HIP1R: variants seen among roughly 807,000 people sequenced by gnomAD.
The protein encoded by HIP1R is huntingtin interacting protein 1 related, also known as huntingtin-interacting protein 1-related protein.
HIP1R carries 135 observed loss-of-function variants against 144.2 expected under a neutral mutation model. That is an observed-to-expected ratio of 0.94 (90% CI 0.81 to 1.08). The LOEUF (loss-of-function observed/expected upper bound fraction) is 1.08, where lower values mean the gene tolerates loss of function less well. HIP1R is among the 50% of genes least tolerant of loss of function. The pLI is 0.00. For synonymous variants in HIP1R, 698 were observed against 612.8 expected (o/e 1.14, Z -2.05); for missense variants, 1,462 against 1,432.8 (o/e 1.02, Z -0.33).
rs1175192119 is a variant in HIP1R, at chr12:122,837,239, A to G, written c.93+1596A>G. ...CTTAAATGATAAGAAGTCAAGGGCA[A>G]CCTTCCTGAGTGTCAAAGAGAGAAT... On this transcript the variant is annotated intron_variant, in intron 1 of 31. Coordinates refer to ENST00000253083, the MANE Select transcript of HIP1R (RefSeq NM_003959.3). Among the ~76,000 whole-genome samples, 3 of 152,258 alleles carry G rather than the reference A, an allele frequency of 2.0e-5. No homozygotes were observed. The East Asian group carries it at 5.8e-4, about 29-fold the overall frequency.
chr12:122,852,968 C>A (rs1213668757), intron 7 of HIP1R, among the ~76,000 whole-genome samples: 2 of 146,158 alleles, frequency 1.4e-5, no homozygotes, highest in Non-Finnish European at 2.9e-5. Flanking sequence ...TCTTGCCCCT[C>A]CCCCCCAGGC....
Position 122,862,821 on chromosome 12 carries a change from T to C in HIP1R, c.*1068T>C, listed in dbSNP as rs543659184. The C allele has an allele frequency of 8.5e-5, 13 of 152,214 alleles. No homozygotes were observed. The East Asian group carries it at 2.5e-3, about 29-fold the overall frequency. 9.4% of individuals were successfully genotyped at this position (152,214 alleles called of 1,614,324 possible). ...GCCCTAGCCCTTTAGCCTTTCACCC[T>C]GTGCTCTGGAAAGGCTACCAAATAC... On this transcript the variant is annotated 3_prime_UTR_variant, in exon 32 of 32. Coordinates refer to ENST00000253083, the MANE Select transcript of HIP1R (RefSeq NM_003959.3).
rs149088289 is a variant in HIP1R, at chr12:122,861,741, C to T, written c.3195C>T (p.Leu1065=). 41 of 1,613,970 alleles carry T rather than the reference C, an allele frequency of 2.5e-5. No individual in the cohort carries two copies. Among genetic ancestry groups the T allele is most frequent in the Non-Finnish European group, 3.0e-5 (35 of 1,180,020 alleles). ...DKKDGIYPAQ[L]VNY ...AGGATGGCATCTACCCAGCTCAACT[C>T]GTGAACTACTAGGCCCCCCAGGGGT... The change falls in exon 32 of 32, where the codon CTC becomes CTT. Residue 1065 remains leucine, a synonymous_variant. Coordinates refer to ENST00000253083, the MANE Select transcript of HIP1R (RefSeq NM_003959.3).
In HIP1R at chr12:122,840,041, C is replaced by A. The variant is rs1353462439; in HGVS notation, c.93+4398C>A. Among the ~76,000 whole-genome samples, 1 of 152,290 alleles carries A rather than the reference C, an allele frequency of 6.6e-6. No individual in the cohort carries two copies. Among genetic ancestry groups the A allele is most frequent in the Non-Finnish European group, 1.5e-5 (1 of 68,044 alleles). On this transcript the variant is annotated intron_variant, in intron 1 of 31. Coordinates refer to ENST00000253083, the MANE Select transcript of HIP1R (RefSeq NM_003959.3). The surrounding 1 kb of genome is among the most constrained non-coding windows in gnomAD (Gnocchi z 4.2). ...TCGTTGTTCCTGGGCATGCGCACTG[C>A]TGTCTCGCCCCGTGACATCCTCTGC...
intron 1 of HIP1R, among the ~76,000 whole-genome samples, chr12:122,843,871 A>C (rs2033132853): frequency 6.6e-6 from 1 of 152,156 alleles, no homozygotes; most frequent in Non-Finnish European, 1.5e-5. Context: ...GTTTTGTTTG[A>C]GATGGAGTTT....
intron 12 of HIP1R, 24 bp downstream of exon 12, chr12:122,855,636 G>C (rs1338861898): frequency 1.3e-6 from 2 of 1,549,608 alleles, no homozygotes. Flanking sequence ...GAGCCGACTG[G>C]GCTGGGGGTG....
rs115798290 is a variant in HIP1R, at chr12:122,846,875, T to G, written c.94-1156T>G. Among the ~76,000 whole-genome samples the G allele has an allele frequency of 4.3e-3, 653 of 152,354 alleles. 5 individuals are homozygous for G. Among genetic ancestry groups the G allele is most frequent in the African/African-American group, 0.015 (614 of 41,588 alleles). On this transcript the variant is annotated intron_variant, in intron 1 of 31. Coordinates refer to ENST00000253083, the MANE Select transcript of HIP1R (RefSeq NM_003959.3). The stretch of plus-strand genomic sequence containing the variant: ...TTTTCTCACAGAGGAAATTCCACAG[T>G]AGACCCTAATTGGATGTCCTCTGCT...
At position 122,860,997 on chromosome 12, in the gene HIP1R, G is replaced by T; in HGVS notation, c.2848G>T (p.Val950Leu). The change falls in exon 29 of 32, where the codon GTG becomes TTG. Residue 950 changes from valine to leucine, a missense_variant. Physicochemically the swap from Val to Leu is conservative, Grantham distance 32. This residue lies in a region of HIP1R where 1,112 missense variants were observed against 1,011.7 expected (regional missense o/e 1.10). Transcript: ENST00000253083. ...AGTCAATGAGAGGGCTGCCAATGTG[G>T]TGGCCTCCACCAAGTCAGGCCAGGA... is the stretch of plus-strand genomic sequence containing the variant. ...RTVNERAANV[V>L]ASTKSGQEQI... 5 of 1,613,700 alleles carry T rather than the reference G, an allele frequency of 3.1e-6. No individual in the cohort carries two copies. Among genetic ancestry groups the T allele is most frequent in the Non-Finnish European group, 4.2e-6 (5 of 1,180,016 alleles).
At chr12:122,846,522 G>A (rs1351349042) in intron 1 of HIP1R, among the ~76,000 whole-genome samples, 4 of 152,206 alleles carry the variant, frequency 2.6e-5, no homozygotes, top group South Asian at 2.1e-4. Flanking sequence ...TGGTGGATAC[G>A]AGTTTGTTCA....
intron 1 of HIP1R, among the ~76,000 whole-genome samples, chr12:122,839,971 C>T (rs139380029): frequency 5.9e-5 from 9 of 152,326 alleles, no homozygotes; most frequent in Non-Finnish European, 8.8e-5. Flanking sequence ...GCAACATTTA[C>T]GTGTATAGGA....
Position 122,848,573 on chromosome 12 carries a change from G to A in HIP1R, c.265G>A (p.Val89Ile), listed in dbSNP as rs768619982. The change falls in exon 3 of 32, where the codon GTC becomes ATC. Residue 89 changes from valine (V) to isoleucine (I), a missense_variant. This residue lies in a region of HIP1R where 350 missense variants were observed against 421.1 expected (regional missense o/e 0.83). Transcript: ENST00000253083. ...SSILSWKFCH[V>I]LHKVLRDGHP... Reference sequence around the variant, plus strand: ...CATTCTCAGCTGGAAGTTCTGCCACGTCCTCCACAAGGTCCTTCGAGACGG... The same window carrying A: ...CATTCTCAGCTGGAAGTTCTGCCACATCCTCCACAAGGTCCTTCGAGACGG... 28 of 1,613,012 alleles carry A rather than the reference G, an allele frequency of 1.7e-5. No individual in the cohort carries two copies. The highest frequency in any genetic ancestry group is 5.0e-5 in the Admixed American group (3 of 60,000).
chr12:122,851,054 G>T (rs1438983132), intron 6 of HIP1R, 143 bp downstream of exon 6: 2 of 877,318 alleles, frequency 2.3e-6, no homozygotes, highest in Non-Finnish European at 3.6e-6. Context: ...CGCTCCCAGG[G>T]ACAGAGGGTG....
intron 26 of HIP1R, 81 bp downstream of exon 26, chr12:122,860,291 AC>A: frequency 6.5e-7 from 1 of 1,532,564 alleles, no homozygotes; most frequent in African/African-American, 1.4e-5. Context: ...GAGACCCTCC[AC>A]CCCCTACCAC....
rs375709915 is a variant in HIP1R, at chr12:122,855,080, C to G, written c.804C>G (p.Ser268=). The part of the protein sequence containing the change: ...HSLRNFFRRA[S]DMLYFKRLIQ... ...TCAGGAACTTCTTCCGCAGAGCCTCCGACATGCTGTACTTCAAGCGGCTCA... is the reference window on the plus strand; with the variant it reads ...TCAGGAACTTCTTCCGCAGAGCCTCGGACATGCTGTACTTCAAGCGGCTCA... The change falls in exon 10 of 32, where the codon TCC becomes TCG. Residue 268 remains serine, a synonymous_variant. Coordinates refer to ENST00000253083, the MANE Select transcript of HIP1R (RefSeq NM_003959.3). The G allele has an allele frequency of 3.7e-6, 6 of 1,613,790 alleles. No individual in the cohort carries two copies. Among genetic ancestry groups the G allele is most frequent in the African/African-American group, 1.3e-5 (1 of 74,942 alleles).
rs1319544718 is a variant in HIP1R at position 122,840,129 on chromosome 12, C to G, written c.93+4486C>G. Among the ~76,000 whole-genome samples, 1 of 152,278 alleles carries G rather than the reference C, an allele frequency of 6.6e-6. No homozygotes were observed. The highest frequency in any genetic ancestry group is 1.5e-5 in the Non-Finnish European group (1 of 68,048). On this transcript the variant is annotated intron_variant, in intron 1 of 31. Coordinates refer to ENST00000253083, the MANE Select transcript of HIP1R (RefSeq NM_003959.3). This position sits in a 1 kb window ranked among gnomAD's most constrained non-coding sequence, Gnocchi z 4.2. Reference sequence around the variant, plus strand: ...GTGGTGATGCCCGGCAGGCCGCTGACTTCCCGACCCCTGGGCTGCATATTG... The same window carrying G: ...GTGGTGATGCCCGGCAGGCCGCTGAGTTCCCGACCCCTGGGCTGCATATTG...
intron 28 of HIP1R, 26 bp from the exon 29 acceptor site, chr12:122,860,890 G>GCCCACCCTGACCTCTCGC (rs762833762): frequency 5.5e-4 from 889 of 1,603,376 alleles, no homozygotes; most frequent in Non-Finnish European, 6.9e-4. Flanking sequence ...GGAGACCTGG[G>GCCCACCCTGACCTCTCGC]CCCACCCTGA....
intron 8 of HIP1R, 125 bp downstream of exon 8, chr12:122,854,308 C>A: frequency 1.8e-6 from 1 of 555,174 alleles, no homozygotes; most frequent in Non-Finnish European, 2.8e-6. Flanking sequence ...AATAAACCCA[C>A]TGCCCATTAA....
rs117614751 is a variant in HIP1R, at chr12:122,862,254, A to C, written c.*501A>C. On this transcript the variant is annotated 3_prime_UTR_variant, in exon 32 of 32. Transcript: ENST00000253083. Reference sequence around the variant, plus strand: ...GGCCTTCTGGGGCACCGATTCTACCAGGCCCTCCAGCTGCGTGGTCTCCGC... The same window carrying C: ...GGCCTTCTGGGGCACCGATTCTACCCGGCCCTCCAGCTGCGTGGTCTCCGC... 0.014 allele frequency: 2,126 copies of C among 156,952 alleles called. 21 individuals carry two copies. The highest frequency in any genetic ancestry group is 0.021 in the Non-Finnish European group (1,518 of 71,576). The allele number at this position is 156,952 out of a possible 1,614,324, so 9.7% of individuals were successfully genotyped here. A position where few individuals can be genotyped will look rare whatever the true frequency, so the allele number is the denominator to read the frequency against.
intron 1 of HIP1R, among the ~76,000 whole-genome samples, chr12:122,847,213 C>G (rs552829686): frequency 2.2e-4 from 32 of 148,162 alleles, no homozygotes; most frequent in Admixed American, 2.2e-3. Flanking sequence ...GAGCCAGGGC[C>G]GGGTTGTAGT....
Sources: allele counts gnomAD v4.1 joint callset (sites outside exome capture counted in the v4.1 genomes callset), GRCh38; gene constraint gnomAD v4.1.1; regional missense constraint gnomAD v4.1.1; non-coding constraint Gnocchi (gnomAD v3.1); transcripts MANE v1.5; gene names NCBI Gene and HGNC (gene_info 2026-07-23, HGNC 2026-07-21).